The following LRCH1 variants were observed in gnomAD, a reference collection of about 807,000 sequenced individuals.
LRCH1 encodes the protein leucine-rich repeat and calponin homology domain-containing protein 1.
LRCH1 carries 23 observed loss-of-function variants against 94.9 expected under a neutral mutation model. The ratio of observed to expected loss-of-function variants is 0.24; its 90% confidence interval spans 0.17 to 0.34. The LOEUF is 0.34. Among genes scored for constraint, LRCH1 ranks in the 10% least tolerant of loss-of-function variants. LRCH1 has a pLI of 1.00. For synonymous variants in LRCH1, 364 were observed against 354.9 expected (o/e 1.03, Z -0.29); for missense variants, 790 against 945.9 (o/e 0.84, Z 2.16).
chr13:46,614,836 C>G (rs1157602355), intron 1 of LRCH1, among the ~76,000 whole-genome samples: 1 of 151,934 alleles, frequency 6.6e-6, no homozygotes, highest in Non-Finnish European at 1.5e-5. Context: ...ACATTTTGTC[C>G]CATGAGGAGA....
At chr13:46,694,558 T>C (rs1462217424) in intron 8 of LRCH1, among the ~76,000 whole-genome samples, 1 of 152,248 alleles carries the variant, frequency 6.6e-6, no homozygotes, top group African/African-American at 2.4e-5. Context: ...ATTTTAAATA[T>C]GAAATACATA....
At chr13:46,619,570 G>A (rs1221821633) in intron 1 of LRCH1, among the ~76,000 whole-genome samples, 6 of 152,172 alleles carry the variant, frequency 3.9e-5, no homozygotes, top group African/African-American at 1.4e-4. Context: ...AGAGAGAGAT[G>A]GTAGCAGTTT....
downstream of LRCH1, among the ~76,000 whole-genome samples, chr13:46,749,555 C>T (rs1874041386): frequency 6.6e-6 from 1 of 152,050 alleles, no homozygotes; most frequent in African/African-American, 2.4e-5. Flanking sequence ...TTAGCCATTC[C>T]ACAATGTATA....
chr13:46,721,214 T>A (rs944677453), intron 16 of LRCH1, among the ~76,000 whole-genome samples: 1 of 152,162 alleles, frequency 6.6e-6, no homozygotes, highest in Admixed American at 6.5e-5. Context: ...ATATTCAGAT[T>A]GAAATCTGCC....
chr13:46,672,225 T>G (rs1210622773), intron 3 of LRCH1, among the ~76,000 whole-genome samples: 2 of 152,224 alleles, frequency 1.3e-5, no homozygotes, highest in Non-Finnish European at 2.9e-5. Flanking sequence ...ACGGCTCATT[T>G]TTTTTAGTGC....
chr13:46,737,689 T>G (rs1873452602), intron 19 of LRCH1, among the ~76,000 whole-genome samples: 1 of 152,216 alleles, frequency 6.6e-6, no homozygotes, highest in African/African-American at 2.4e-5. Flanking sequence ...CAATTAGGCC[T>G]TGACCCCATG....
At chr13:46,607,064 C>T (rs184708655) in intron 1 of LRCH1, among the ~76,000 whole-genome samples, 206 of 152,134 alleles carry the variant, frequency 1.4e-3, no homozygotes, top group African/African-American at 4.5e-3. Context: ...GTTGGCTAGG[C>T]GCTGGGATGG....
At chr13:46,559,115 G>A (rs1373642817) in intron 1 of LRCH1, among the ~76,000 whole-genome samples, 2 of 152,172 alleles carry the variant, frequency 1.3e-5, no homozygotes, top group Non-Finnish European at 2.9e-5. Flanking sequence ...ATTCACAGAA[G>A]ACTTGATAAC....
chr13:46,672,643 C>T (rs1173017509), intron 3 of LRCH1, among the ~76,000 whole-genome samples: 1 of 152,198 alleles, frequency 6.6e-6, no homozygotes, highest in Non-Finnish European at 1.5e-5. Flanking sequence ...CACTGGCTGT[C>T]GGGTGGCTCT....
At chr13:46,649,967 A>G (rs1036513210) in intron 1 of LRCH1, among the ~76,000 whole-genome samples, 1 of 152,202 alleles carries the variant, frequency 6.6e-6, no homozygotes, top group Non-Finnish European at 1.5e-5. Flanking sequence ...TTCTTTAGAG[A>G]GCTAAAAAGT....
chr13:46,705,192 C>G (rs987456441), intron 12 of LRCH1, 35 bp downstream of exon 12: 3 of 1,588,116 alleles, frequency 1.9e-6, no homozygotes, highest in African/African-American at 1.4e-5. Flanking sequence ...TATGTTTTCT[C>G]TTTTCATAAT....
chr13:46,603,348 C>G (rs1566170524), intron 1 of LRCH1, among the ~76,000 whole-genome samples: 1 of 152,052 alleles, frequency 6.6e-6, no homozygotes, highest in Non-Finnish European at 1.5e-5. Context: ...CAGCCCCATT[C>G]TCTTTCTGTC....
chr13:46,738,454 G>A (rs1304868557), intron 19 of LRCH1, among the ~76,000 whole-genome samples: 2 of 152,156 alleles, frequency 1.3e-5, no homozygotes, highest in East Asian at 1.9e-4. Flanking sequence ...TCATAATAGC[G>A]TTCCCACTTT....
intron 9 of LRCH1, among the ~76,000 whole-genome samples, chr13:46,698,062 A>G (rs1262568213): frequency 1.3e-5 from 2 of 152,240 alleles, no homozygotes; most frequent in Admixed American, 6.5e-5. Context: ...AGAGTGGCAC[A>G]GTCTTTTATA....
chr13:46,693,782 A>G (rs914700832), intron 8 of LRCH1, among the ~76,000 whole-genome samples: 6 of 152,332 alleles, frequency 3.9e-5, no homozygotes, highest in East Asian at 1.9e-4. Flanking sequence ...CTGTTTCCCC[A>G]TGACTTTTAA....
chr13:46,638,655 C>T (rs1203061674), intron 1 of LRCH1, among the ~76,000 whole-genome samples: 1 of 152,114 alleles, frequency 6.6e-6, no homozygotes, highest in African/African-American at 2.4e-5. Context: ...CATTTCCATC[C>T]CAAATTAGCA....
intron 3 of LRCH1, among the ~76,000 whole-genome samples, chr13:46,674,113 G>T (rs1383980271): frequency 6.6e-6 from 1 of 151,964 alleles, no homozygotes; most frequent in Non-Finnish European, 1.5e-5. Flanking sequence ...TTCTAAGTGT[G>T]AGTGAACATT....
intron 10 of LRCH1, among the ~76,000 whole-genome samples, chr13:46,699,768 G>A (rs533304178): frequency 6.6e-6 from 1 of 152,146 alleles, no homozygotes; most frequent in African/African-American, 2.4e-5. Flanking sequence ...TTTACCCCAA[G>A]TCATCCCCTT....
chr13:46,619,706 C>T (rs1012404998), intron 1 of LRCH1, among the ~76,000 whole-genome samples: 1 of 152,168 alleles, frequency 6.6e-6, no homozygotes, highest in African/African-American at 2.4e-5. Flanking sequence ...AAGAGGCTGT[C>T]GGACTTGCAT....
Sources: gnomAD v4.1 joint callset for allele counts (sites outside exome capture counted in the v4.1 genomes callset) on GRCh38, gnomAD v4.1.1 for gene constraint, MANE v1.5 for transcripts, NCBI Gene and HGNC (gene_info 2026-07-23, HGNC 2026-07-21) for gene names.